COBLL1: variants seen among roughly 807,000 people sequenced by gnomAD.
COBLL1 encodes cordon-bleu protein-like 1.
A neutral mutation model predicts 94.8 loss-of-function variants in COBLL1; 50 were observed. That is an observed-to-expected ratio of 0.53 (90% CI 0.42 to 0.67). The LOEUF (loss-of-function observed/expected upper bound fraction) is 0.67. Ranked by LOEUF, COBLL1 falls within the 30% of genes least tolerant of loss-of-function variation. COBLL1 has a pLI of 0.00. For synonymous variants in COBLL1, 448 were observed against 473.8 expected, an observed-to-expected ratio of 0.95 and a Z score of 0.71; for missense variants, 1,362 against 1,348.7, an observed-to-expected ratio of 1.01 and a Z score of -0.15.
intron 7 of COBLL1, among the ~76,000 whole-genome samples, chr2:164,712,128 C>A (rs574580756): frequency 6.6e-6 from 1 of 152,068 alleles, no homozygotes; most frequent in Admixed American, 6.6e-5. Context: ...TAGAATCAAA[C>A]GGCATTCAAG....
At chr2:164,762,988 G>T (rs1405103352) in intron 2 of COBLL1, among the ~76,000 whole-genome samples, 2 of 152,054 alleles carry the variant, frequency 1.3e-5, no homozygotes, top group African/African-American at 4.8e-5. Context: ...GAGCCACTGC[G>T]CCTGCCCGCC....
intron 2 of COBLL1, among the ~76,000 whole-genome samples, chr2:164,774,188 A>T (rs1688351035): frequency 6.6e-6 from 1 of 152,184 alleles, no homozygotes; most frequent in Non-Finnish European, 1.5e-5. Context: ...GTATATAAAA[A>T]TAAAATTCAG....
At chr2:164,810,233 T>A (rs1684396220) in intron 2 of COBLL1, among the ~76,000 whole-genome samples, 1 of 148,204 alleles carries the variant, frequency 6.7e-6, no homozygotes, top group African/African-American at 2.5e-5. Context: ...TATTTATGAA[T>A]TTTTTTTTCT....
At chr2:164,827,321 T>C (rs1685484951) in intron 2 of COBLL1, among the ~76,000 whole-genome samples, 2 of 152,182 alleles carry the variant, frequency 1.3e-5, no homozygotes, top group African/African-American at 4.8e-5. Flanking sequence ...ATGTAAAATG[T>C]CGATTTGTTG....
At chr2:164,721,944 A>G in intron 7 of COBLL1, 131 bp downstream of exon 7, 1 of 602,068 alleles carries the variant, frequency 1.7e-6, no homozygotes, top group South Asian at 2.6e-5. Flanking sequence ...CATATTAGTA[A>G]CTGTTACTAA....
At chr2:164,808,001 G>C (rs1012639453) in intron 2 of COBLL1, among the ~76,000 whole-genome samples, 1 of 151,964 alleles carries the variant, frequency 6.6e-6, no homozygotes, top group African/African-American at 2.4e-5. Context: ...TGTACTTTTA[G>C]TAGAGTTGGG....
intron 2 of COBLL1, among the ~76,000 whole-genome samples, chr2:164,794,940 A>AT (rs1237478738): frequency 1.3e-5 from 2 of 152,222 alleles, no homozygotes; most frequent in Admixed American, 1.3e-4. Flanking sequence ...AAGAAAATGA[A>AT]TTTGTAAACC....
At chr2:164,838,173 C>CGTG (rs1289762735) in intron 2 of COBLL1, among the ~76,000 whole-genome samples, 1 of 152,188 alleles carries the variant, frequency 6.6e-6, no homozygotes, top group Non-Finnish European at 1.5e-5. Flanking sequence ...TTCTGCACAC[C>CGTG]ATTGCTTCCA....
rs1321753576 is a variant in COBLL1 at position 164,692,245 on chromosome 2, T to C, written c.3276A>G (p.Gly1092=). The change falls in exon 13 of 14, where the codon GGA becomes GGG. Residue 1092 remains glycine (G), a synonymous_variant. Coordinates refer to ENST00000652658, the MANE Select transcript of COBLL1 (RefSeq NM_001365672.2). The stretch of plus-strand genomic sequence containing the variant: ...CCCTTTTCAATTTGGCAGCAGCCTC[T>C]CCCGAACGGATTGCAGTCAGCAAAC... ...RQSLLTAIRS[G]EAAAKLKRVT... 1 of 1,611,364 alleles carries C rather than the reference T, an allele frequency of 6.2e-7. No individual in the cohort carries two copies. The highest frequency in any genetic ancestry group is 8.5e-7 in the Non-Finnish European group (1 of 1,178,848).
intron 11 of COBLL1, among the ~76,000 whole-genome samples, chr2:164,698,489 G>A (rs1684067313): frequency 6.6e-6 from 1 of 151,244 alleles, no homozygotes. Flanking sequence ...TCTTAACCTA[G>A]TTTTCTAGAT....
chr2:164,834,365 A>G (rs1683225388), intron 2 of COBLL1, among the ~76,000 whole-genome samples: 2 of 152,164 alleles, frequency 1.3e-5, no homozygotes. Context: ...ATATATTCTA[A>G]TATCTTATAA....
At chr2:164,695,953 A>G (rs1683923286) in intron 11 of COBLL1, 117 bp from the exon 12 acceptor site, 2 of 768,132 alleles carry the variant, frequency 2.6e-6, no homozygotes, top group African/African-American at 1.8e-5. Context: ...ATAATTTTCA[A>G]CTCACTGACT....
At chr2:164,692,185 A>C (rs1169802489) in intron 13 of COBLL1, 36 bp downstream of exon 13, 1 of 1,530,598 alleles carries the variant, frequency 6.5e-7, no homozygotes, top group East Asian at 2.3e-5. Context: ...TGGTGACAAT[A>C]AACCCACTGT....
At chr2:164,729,069 C>T (rs1558959764) in intron 4 of COBLL1, among the ~76,000 whole-genome samples, 1 of 151,610 alleles carries the variant, frequency 6.6e-6, no homozygotes, top group Admixed American at 6.6e-5. Context: ...AACACCTAGA[C>T]AGAAACAAAT....
intron 13 of COBLL1, among the ~76,000 whole-genome samples, chr2:164,689,517 AGCCT>A (rs1179468992): frequency 6.6e-6 from 1 of 152,166 alleles, no homozygotes; most frequent in African/African-American, 2.4e-5. Context: ...AGAAATTAAG[AGCCT>A]GCCTGTGTCC....
chr2:164,674,219 C>T (rs967185223), intron 1 of COBLL1, among the ~76,000 whole-genome samples: 4 of 152,074 alleles, frequency 2.6e-5, no homozygotes, highest in South Asian at 2.1e-4. Context: ...CACCACCAGA[C>T]CCAGCTAATT....
At chr2:164,820,290 T>A (rs775746467) in intron 2 of COBLL1, among the ~76,000 whole-genome samples, 17 of 152,138 alleles carry the variant, frequency 1.1e-4, no homozygotes, top group Non-Finnish European at 2.1e-4. Context: ...AAGAATAACA[T>A]CTCACTTCAG....
At chr2:164,798,659 T>C (rs768429341) in intron 2 of COBLL1, among the ~76,000 whole-genome samples, 5 of 152,162 alleles carry the variant, frequency 3.3e-5, no homozygotes, top group Non-Finnish European at 7.3e-5. Context: ...ATATTTACAA[T>C]GTTTTTCAAA....
chr2:164,732,932 G>T (rs12613359), intron 3 of COBLL1, among the ~76,000 whole-genome samples: 23,340 of 152,108 alleles, frequency 0.15, 1,916 homozygotes, highest in East Asian at 0.3. Context: ...GCAGGTGTCT[G>T]TAGTCCCAGC....
Sources: gnomAD v4.1 joint callset for allele counts (sites outside exome capture counted in the v4.1 genomes callset) on GRCh38, gnomAD v4.1.1 for gene constraint, MANE v1.5 for transcripts, NCBI Gene and HGNC (gene_info 2026-07-23, HGNC 2026-07-21) for gene names.